FOXN4: variants seen among roughly 807,000 people sequenced by gnomAD.
The protein encoded by FOXN4 is forkhead box N4.
A neutral mutation model predicts 45.0 loss-of-function variants in FOXN4; 12 were observed. The observed-to-expected ratio is 0.27, with a 90% CI of 0.17 to 0.43. The LOEUF (loss-of-function observed/expected upper bound fraction) is 0.43, where lower values mean the gene tolerates loss of function less well. FOXN4 is among the 20% of genes least tolerant of loss of function. FOXN4 has a pLI of 1.00. For synonymous variants in FOXN4, 297 were observed against 295.0 expected (o/e 1.01, Z -0.07); for missense variants, 560 against 694.9 (o/e 0.81, Z 2.18).
At position 109,281,799 on chromosome 12, in the gene FOXN4, T is replaced by C. The variant is rs2047655955; in HGVS notation, c.902A>G (p.Glu301Gly). The C allele has an allele frequency of 1.3e-6, 2 of 1,565,544 alleles. No homozygotes were observed. The highest frequency in any genetic ancestry group is 1.7e-6 in the Non-Finnish European group (2 of 1,159,108). Residue 301 changes from glutamate (E) to glycine (G), a missense_variant and splice_region_variant, in exon 9 of 10, where the codon GAG becomes GGG. Around this residue, in one of 5 missense-constraint regions of FOXN4, gnomAD observed 315 missense variants for 350.5 expected, o/e 0.90. Coordinates refer to ENST00000299162, the MANE Select transcript of FOXN4 (RefSeq NM_213596.3). ...AAIHRSMANP[E>G]ELDKLISDRP... ...GTCGGAGATCAGCTTGTCCAACTCC[T>C]CTGCAGGCAAGTGGGAGAGGTCACT...
rs867991777 is a variant in FOXN4 at position 109,287,467 on chromosome 12, G to A, written c.526C>T (p.Pro176Ser). Reference protein sequence around the residue: ...PFGVRPPYPQPHVAVHSSQEL... With the variant: ...PFGVRPPYPQSHVAVHSSQEL... The stretch of plus-strand genomic sequence containing the variant: ...TGAGATGAATGCACAGCCACGTGGG[G>A]CTGGGGGTAGGGGGGCCGCACCCCA... The change falls in exon 6 of 10, where the codon CCC becomes TCC. Residue 176 changes from proline (P) to serine (S), a missense_variant. By Grantham distance (74) the Pro-to-Ser change is moderately conservative. This residue lies in a region of FOXN4 where 61 missense variants were observed against 59.8 expected (regional missense o/e 1.02). Coordinates refer to ENST00000299162, the MANE Select transcript of FOXN4 (RefSeq NM_213596.3). This position sits in a 1 kb window ranked among gnomAD's most constrained non-coding sequence, Gnocchi z 4.1. 5.8e-6 allele frequency: 9 copies of A among 1,551,050 alleles called. No individual in the cohort carries two copies. The South Asian group carries it at 9.5e-5, about 16-fold the overall frequency.
intron 8 of FOXN4, among the ~76,000 whole-genome samples, chr12:109,284,446 T>TATGTGTGCATGC (rs2047682521): frequency 6.6e-6 from 1 of 151,748 alleles, no homozygotes; most frequent in African/African-American, 2.4e-5. Flanking sequence ...TGTGCATGCA[T>TATGTGTGCATGC]ATGTGTGCGT....
chr12:109,296,556 G>A (rs560140625), intron 2 of FOXN4, among the ~76,000 whole-genome samples: 1 of 152,168 alleles, frequency 6.6e-6, no homozygotes, highest in South Asian at 2.1e-4. Context: ...CCCCAGGGAG[G>A]GTAGGGGCTA....
chr12:109,304,297 A>AAAGAAAGAAAGG (rs1566005780), intron 2 of FOXN4, among the ~76,000 whole-genome samples: 2 of 138,728 alleles, frequency 1.4e-5, no homozygotes, highest in Non-Finnish European at 3.2e-5. Flanking sequence ...GAAAGAAAGG[A>AAAGAAAGAAAGG]GAAAGAAAGA....
Position 109,287,140 on chromosome 12 carries a change from A to G in FOXN4, c.596+257T>C, listed in dbSNP as rs1008999356. Among the ~76,000 whole-genome samples, 2 of 152,094 alleles carry G rather than the reference A, an allele frequency of 1.3e-5. No homozygotes were observed. Among genetic ancestry groups the G allele is most frequent in the African/African-American group, 4.8e-5 (2 of 41,430 alleles). On this transcript the variant is annotated intron_variant, in intron 6 of 9. Transcript: ENST00000299162. This position sits in a 1 kb window ranked among gnomAD's most constrained non-coding sequence, Gnocchi z 4.1. ...AATCGAGGCTCAGAGAGGTCATCCCACTTCCCCAAGGCCACGTGGCTTATG... is the reference window on the plus strand; with the variant it reads ...AATCGAGGCTCAGAGAGGTCATCCCGCTTCCCCAAGGCCACGTGGCTTATG...
In FOXN4 at chr12:109,290,200, T is replaced by G. The variant is rs1448322036; in HGVS notation, c.173A>C (p.Gln58Pro). The change falls in exon 3 of 10, where the codon CAG (glutamine) becomes CCG (proline). Residue 58 changes from glutamine (Q) to proline (P), a missense_variant. Physicochemically the swap from Gln to Pro is moderately conservative, Grantham distance 76 (BLOSUM62 -1). Transcript: ENST00000299162. The surrounding 1 kb of genome is among the most constrained non-coding windows in gnomAD (Gnocchi z 5.1). ...GTCCACGCGGCCACTTGCCATCTGC[T>G]GCAGCCGAGGCACATCCACCGCCGT... Reference protein sequence around the residue: ...WLTAVDVPRLQQMASGRVDLG... With the variant: ...WLTAVDVPRLPQMASGRVDLG... The G allele has an allele frequency of 3.9e-6, 6 of 1,551,248 alleles. No homozygotes were observed. In the African/African-American group the frequency reaches 8.2e-5, roughly 21 times the overall value.
At chr12:109,308,131 A>C in intron 2 of FOXN4, 105 bp downstream of exon 2, 1 of 935,868 alleles carries the variant, frequency 1.1e-6, no homozygotes, top group Non-Finnish European at 1.6e-6. Context: ...AAATCACAGA[A>C]TTGAACATAA....
chr12:109,288,162 G>T lies in FOXN4; in HGVS notation c.251C>A (p.Ala84Asp). The T allele has an allele frequency of 6.5e-7, 1 of 1,546,850 alleles. No individual in the cohort carries two copies. The highest frequency in any genetic ancestry group is 8.7e-7 in the Non-Finnish European group (1 of 1,146,112). ...HPHPGALAGV[A>D]DLHVGATPSP... is the part of the protein sequence containing the mutation. The stretch of plus-strand genomic sequence containing the variant: ...TGGAGTGGCTCCCACATGCAGGTCG[G>T]CCACCCCAGCCAAGGCACCTGCCGG... The change falls in exon 4 of 10, where the codon GCC becomes GAC. Residue 84 changes from alanine (A) to aspartate (D), a missense_variant. Around this residue, in one of 5 missense-constraint regions of FOXN4, gnomAD observed 142 missense variants for 185.7 expected, o/e 0.76. Transcript: ENST00000299162. The surrounding 1 kb of genome is among the most constrained non-coding windows in gnomAD (Gnocchi z 4.3).
At chr12:109,286,870 TCA>T in intron 6 of FOXN4, 126 bp from the exon 7 acceptor site, 2 of 1,446,322 alleles carry the variant, frequency 1.4e-6, no homozygotes, top group Non-Finnish European at 9.1e-7. Flanking sequence ...CCCTAAACAC[TCA>T]CACACAGTGA....
Position 109,291,045 on chromosome 12 carries a change from G to A in FOXN4, c.87-759C>T, listed in dbSNP as rs1445235682. On this transcript the variant is annotated intron_variant, in intron 2 of 9. Transcript: ENST00000299162. The surrounding 1 kb of genome is among the most constrained non-coding windows in gnomAD (Gnocchi z 6.6). ...CAGGAGGTGGTGGGGCTGAGACCCA[G>A]TCAGTGCCTCCTGAAGCCTGAGCCC... Among the ~76,000 whole-genome samples the A allele has an allele frequency of 6.6e-6, 1 of 152,144 alleles. No homozygotes were observed. The highest frequency in any genetic ancestry group is 2.4e-5 in the African/African-American group (1 of 41,428).
chr12:109,279,678 AG>A lies in FOXN4; in HGVS notation c.1546del (p.Leu516CysfsTer21). On this transcript the variant is annotated frameshift_variant, in exon 10 of 10. Transcript: ENST00000299162. LOFTEE classifies it high-confidence loss of function. ...LGAQGNKPIA[L>X]L Reference sequence around the variant, plus strand: ...GCAGGTGAGGCTGACAGCTCAAAGCAGGGCTATAGGCTTGTTCCCCTGTGCA... The same window carrying A: ...GCAGGTGAGGCTGACAGCTCAAAGCAGGCTATAGGCTTGTTCCCCTGTGCA... 1 of 1,573,950 alleles carries A rather than the reference AG, an allele frequency of 6.4e-7. No homozygotes were observed. Among genetic ancestry groups the A allele is most frequent in the Non-Finnish European group, 8.6e-7 (1 of 1,159,806 alleles).
intron 2 of FOXN4, among the ~76,000 whole-genome samples, chr12:109,304,569 G>A (rs958643572): frequency 6.6e-6 from 1 of 152,194 alleles, no homozygotes; most frequent in Non-Finnish European, 1.5e-5. Flanking sequence ...CTGAGAGGCT[G>A]CTGCCAATTT....
Position 109,288,086 on chromosome 12 carries a change from A to C in FOXN4, c.327T>G (p.Gly109=). ...PAGMAPRGMP[G]LGPITGHRDS... ...CTCTGTGGCCAGTTATGGGGCCCAG[A>C]CCTGGCATGCCTCGGGGGGCCATGC... Residue 109 remains glycine, a synonymous_variant, in exon 4 of 10, where the codon GGT becomes GGG. Transcript: ENST00000299162. The surrounding 1 kb of genome is among the most constrained non-coding windows in gnomAD (Gnocchi z 4.3). 1 of 1,548,648 alleles carries C rather than the reference A, an allele frequency of 6.5e-7. No homozygotes were observed. Among genetic ancestry groups the C allele is most frequent in the Non-Finnish European group, 8.7e-7 (1 of 1,146,040 alleles).
chr12:109,290,722 A>G lies in FOXN4; in HGVS notation c.87-436T>C, dbSNP rs2047759522. 6.6e-6 allele frequency among the ~76,000 whole-genome samples: 1 copy of G among 152,156 alleles called. No homozygotes were observed. Among genetic ancestry groups the G allele is most frequent in the Admixed American group, 6.5e-5 (1 of 15,274 alleles). ...CACAGAGCACTCAGGGCCTGTGGTC[A>G]GGGTCCCACCTGCCATGACAAGATC... On this transcript the variant is annotated intron_variant, in intron 2 of 9. Coordinates refer to ENST00000299162, the MANE Select transcript of FOXN4 (RefSeq NM_213596.3). The surrounding 1 kb of genome is among the most constrained non-coding windows in gnomAD (Gnocchi z 5.1).
In FOXN4 at chr12:109,288,143, G is replaced by A. The variant is rs982239111; in HGVS notation, c.270C>T (p.Ala90=). 1 of 1,547,568 alleles carries A rather than the reference G, an allele frequency of 6.5e-7. No homozygotes were observed. The highest frequency in any genetic ancestry group is 8.7e-7 in the Non-Finnish European group (1 of 1,146,076). Residue 90 remains alanine (A), a synonymous_variant, in exon 4 of 10, where the codon GCC becomes GCT. Coordinates refer to ENST00000299162, the MANE Select transcript of FOXN4 (RefSeq NM_213596.3). The surrounding 1 kb of genome is among the most constrained non-coding windows in gnomAD (Gnocchi z 4.3). ...GGCCATGGAGAAGGGGACTTGGAGT[G>A]GCTCCCACATGCAGGTCGGCCACCC... The part of the protein sequence containing the change: ...LAGVADLHVG[A]TPSPLLHGPA...
chr12:109,296,323 G>C (rs2047816713), intron 2 of FOXN4, among the ~76,000 whole-genome samples: 1 of 152,212 alleles, frequency 6.6e-6, no homozygotes, highest in Non-Finnish European at 1.5e-5. Context: ...TGTGGTATGT[G>C]ACAAGCCTCC....
At chr12:109,304,933 C>T (rs1255864329) in intron 2 of FOXN4, among the ~76,000 whole-genome samples, 3 of 152,204 alleles carry the variant, frequency 2.0e-5, no homozygotes, top group African/African-American at 7.2e-5. Flanking sequence ...TTGACCCATT[C>T]GAAGTGCAGA....
chr12:109,304,221 G>GAGAA (rs58280775), intron 2 of FOXN4, among the ~76,000 whole-genome samples: 3,031 of 82,396 alleles, frequency 0.037, 83 homozygotes, highest in East Asian at 0.046. Context: ...AGAAAAGAAA[G>GAGAA]AGAAAGAAAG....
At chr12:109,303,828 T>A (rs1264726690) in intron 2 of FOXN4, among the ~76,000 whole-genome samples, 2 of 152,166 alleles carry the variant, frequency 1.3e-5, no homozygotes, top group Non-Finnish European at 2.9e-5. Context: ...CATAAATGTG[T>A]GCCTTTGAGC....
Sources: allele counts gnomAD v4.1 joint callset (sites outside exome capture counted in the v4.1 genomes callset), GRCh38; gene constraint gnomAD v4.1.1; regional missense constraint gnomAD v4.1.1; non-coding constraint Gnocchi (gnomAD v3.1); transcripts MANE v1.5; gene names NCBI Gene and HGNC (gene_info 2026-07-23, HGNC 2026-07-21).